The following PXDNL variants were observed in gnomAD, a reference collection of about 807,000 sequenced individuals.
PXDNL encodes the protein probable oxidoreductase PXDNL.
A neutral mutation model predicts 150.8 loss-of-function variants in PXDNL; 145 were observed. The observed-to-expected ratio is 0.96, with a 90% CI of 0.84 to 1.10. The LOEUF is 1.10. Ranked by LOEUF, PXDNL falls within the 50% of genes least tolerant of loss-of-function variation. The pLI is 0.00. For missense variants in PXDNL, 2,087 were observed against 1,873.9 expected, an observed-to-expected ratio of 1.11 and a Z score of -2.10; for synonymous variants, 757 against 725.7, an observed-to-expected ratio of 1.04 and a Z score of -0.69.
chr8:51,791,063 C>T (rs925513257), intron 1 of PXDNL, among the ~76,000 whole-genome samples: 2 of 151,936 alleles, frequency 1.3e-5, no homozygotes, highest in Non-Finnish European at 2.9e-5. Flanking sequence ...AAATTATAGG[C>T]GAGGAGACTG....
At chr8:51,786,743 C>T (rs1006751449) in intron 1 of PXDNL, among the ~76,000 whole-genome samples, 1 of 152,164 alleles carries the variant, frequency 6.6e-6, no homozygotes, top group Non-Finnish European at 1.5e-5. Flanking sequence ...GAAGACCTGG[C>T]TAAAATCACT....
chr8:51,427,113 G>C (rs912916529), intron 12 of PXDNL, among the ~76,000 whole-genome samples: 28 of 152,218 alleles, frequency 1.8e-4, no homozygotes, highest in African/African-American at 6.7e-4. Flanking sequence ...AAATTTATTT[G>C]TAGCTAAGAT....
chr8:51,799,409 A>G (rs1218671289), intron 1 of PXDNL, among the ~76,000 whole-genome samples: 1 of 152,238 alleles, frequency 6.6e-6, no homozygotes, highest in Non-Finnish European at 1.5e-5. Context: ...TAAATTTTAA[A>G]AAAAGATATC....
intron 1 of PXDNL, among the ~76,000 whole-genome samples, chr8:51,724,153 G>A (rs1415210334): frequency 6.6e-6 from 1 of 152,112 alleles, no homozygotes; most frequent in East Asian, 1.9e-4. Flanking sequence ...GGTGGAGACT[G>A]TTGGCCAGAG....
rs370592852 is a variant in PXDNL at position 51,528,080 on chromosome 8, A to T, written c.381-28310T>A. ...GAATTAATCAGAGGGCCATTGCAAT[A>T]TTACAACCAGGAGAGGATTCAAATA... On this transcript the variant is annotated intron_variant, in intron 4 of 22. Coordinates refer to ENST00000356297, the MANE Select transcript of PXDNL (RefSeq NM_144651.5). Among the ~76,000 whole-genome samples the T allele has an allele frequency of 3.3e-5, 5 of 152,334 alleles. No homozygotes were observed. In the East Asian group the frequency reaches 9.6e-4, roughly 29 times the overall value.
At chr8:51,768,842 TC>T (rs754467511) in intron 1 of PXDNL, among the ~76,000 whole-genome samples, 2 of 152,222 alleles carry the variant, frequency 1.3e-5, no homozygotes, top group Non-Finnish European at 2.9e-5. Flanking sequence ...ACGCCTGTAA[TC>T]CCAGCACTTT....
intron 1 of PXDNL, among the ~76,000 whole-genome samples, chr8:51,690,781 C>T (rs1355488055): frequency 2.0e-5 from 3 of 151,096 alleles, no homozygotes; most frequent in Non-Finnish European, 4.4e-5. Context: ...TTTACAGTCC[C>T]ACCCACAGTG....
chr8:51,675,223 T>C (rs1020842539), intron 1 of PXDNL, among the ~76,000 whole-genome samples: 2 of 152,156 alleles, frequency 1.3e-5, no homozygotes, highest in African/African-American at 4.8e-5. Flanking sequence ...AATGCGATAG[T>C]ATTAAGAGGT....
rs1368980002 is a variant in PXDNL at position 51,455,086 on chromosome 8, G to A, written c.983-1301C>T. On this transcript the variant is annotated intron_variant, in intron 9 of 22. Coordinates refer to ENST00000356297, the MANE Select transcript of PXDNL (RefSeq NM_144651.5). ...ATTGCGCCACTGCAGTCCGCAGTCCGGCCTGGGCGACAGAGCGAGACTCCG... is the reference window on the plus strand; with the variant it reads ...ATTGCGCCACTGCAGTCCGCAGTCCAGCCTGGGCGACAGAGCGAGACTCCG... 3.9e-4 allele frequency among the ~76,000 whole-genome samples: 24 copies of A among 61,346 alleles called. No individual in the cohort carries two copies. The Admixed American group carries it at 5.5e-3, about 14-fold the overall frequency. 40.2% of individuals were successfully genotyped at this position (61,346 alleles called of 152,430 possible).
In PXDNL at chr8:51,408,551, G is replaced by C. The variant is rs1284252950; in HGVS notation, c.3073C>G (p.Pro1025Ala). 1 of 1,613,088 alleles carries C rather than the reference G, an allele frequency of 6.2e-7. No homozygotes were observed. Residue 1025 changes from proline to alanine, a missense_variant, in exon 17 of 23, where the codon CCT becomes GCT. Physicochemically the swap from Pro to Ala is conservative, Grantham distance 27. Coordinates refer to ENST00000356297, the MANE Select transcript of PXDNL (RefSeq NM_144651.5). ...TAACCCCTCAGCATCCTAGTGCCAG[G>C]GTCCCCCAGGACCTTAGGCAGCCAG... ...SHWLPKVLGD[P>A]GTRMLRGYRG...
chr8:51,761,996 G>A (rs368944860), intron 1 of PXDNL, among the ~76,000 whole-genome samples: 1 of 152,246 alleles, frequency 6.6e-6, no homozygotes, highest in East Asian at 1.9e-4. Context: ...GGAAATAAAA[G>A]TAAAGCATAT....
At chr8:51,667,618 A>G (rs1396704223) in intron 1 of PXDNL, among the ~76,000 whole-genome samples, 1 of 152,224 alleles carries the variant, frequency 6.6e-6, no homozygotes, top group Non-Finnish European at 1.5e-5. Context: ...TGCCAAATAC[A>G]TAAATATCTA....
At position 51,453,623 on chromosome 8, in the gene PXDNL, C is replaced by G; in HGVS notation, c.1145G>C (p.Gly382Ala). 3 of 1,614,012 alleles carry G rather than the reference C, an allele frequency of 1.9e-6. No individual in the cohort carries two copies. Among genetic ancestry groups the G allele is most frequent in the Non-Finnish European group, 2.5e-6 (3 of 1,179,884 alleles). Reference protein sequence around the residue: ...DGSRHVATSSGLYLQNITQRD... With the variant: ...DGSRHVATSSALYLQNITQRD... ...TTGTGTGATGTTCTGTAAGTAAAGT[C>G]CACTGGACGTTGCCACGTGCCTGGA... Residue 382 changes from glycine (G) to alanine (A), a missense_variant, in exon 10 of 23, where the codon GGA (glycine) becomes GCA (alanine). Gly to Ala is a moderately conservative substitution (Grantham distance 60). Transcript: ENST00000356297.
At position 51,580,172 on chromosome 8, in the gene PXDNL, C is replaced by A. The variant is rs190748021; in HGVS notation, c.308+12455G>T. ...TGAAGAAGGTGTGGGCAGAGGGAAGCGAATGCAGCTATAAAAGAGCAACAT... is the reference window on the plus strand; with the variant it reads ...TGAAGAAGGTGTGGGCAGAGGGAAGAGAATGCAGCTATAAAAGAGCAACAT... On this transcript the variant is annotated intron_variant, in intron 3 of 22. Coordinates refer to ENST00000356297, the MANE Select transcript of PXDNL (RefSeq NM_144651.5). Among the ~76,000 whole-genome samples the A allele has an allele frequency of 1.7e-3, 266 of 152,002 alleles. 1 individual carries two copies. Among genetic ancestry groups the A allele is most frequent in the African/African-American group, 5.9e-3 (244 of 41,492 alleles).
chr8:51,727,866 G>A (rs546767131), intron 1 of PXDNL, among the ~76,000 whole-genome samples: 1 of 152,170 alleles, frequency 6.6e-6, no homozygotes, highest in South Asian at 2.1e-4. Flanking sequence ...TGCCGGTTTT[G>A]ACTGCTCCCA....
At chr8:51,379,152 G>A (rs566908880) in intron 17 of PXDNL, among the ~76,000 whole-genome samples, 1 of 151,856 alleles carries the variant, frequency 6.6e-6, no homozygotes, top group South Asian at 2.1e-4. Context: ...TCCAGTGAAC[G>A]TGGAGTTCCA....
intron 19 of PXDNL, among the ~76,000 whole-genome samples, chr8:51,362,320 A>G (rs1563374397): frequency 6.6e-6 from 1 of 152,212 alleles, no homozygotes; most frequent in African/African-American, 2.4e-5. Flanking sequence ...TGCTGAACTC[A>G]GTAATTTTAG....
chr8:51,610,476 T>C (rs907048683), intron 2 of PXDNL, among the ~76,000 whole-genome samples: 1 of 152,222 alleles, frequency 6.6e-6, no homozygotes, highest in Non-Finnish European at 1.5e-5. Flanking sequence ...CCTCTCTTTA[T>C]GTCAAAATAT....
intron 5 of PXDNL, among the ~76,000 whole-genome samples, chr8:51,496,394 A>G (rs1344567496): frequency 1.3e-5 from 2 of 151,948 alleles, no homozygotes; most frequent in Non-Finnish European, 2.9e-5. Context: ...CTCTCTCACC[A>G]CTCCTATTCA....
Sources: gnomAD v4.1 joint callset for allele counts (sites outside exome capture counted in the v4.1 genomes callset) on GRCh38, gnomAD v4.1.1 for gene constraint, MANE v1.5 for transcripts, NCBI Gene and HGNC (gene_info 2026-07-23, HGNC 2026-07-21) for gene names.